Variants in PCDHAC2 observed in about 807,000 individuals in gnomAD.
The protein encoded by PCDHAC2 is protocadherin alpha-C2.
In PCDHAC2, 24 loss-of-function variants were observed where a neutral mutation model predicts 63.3. The observed-to-expected ratio is 0.38, with a 90% confidence interval of 0.27 to 0.53. The LOEUF is 0.53. PCDHAC2 is among the 20% of genes least tolerant of loss of function. PCDHAC2 has a pLI of 0.81. For synonymous variants in PCDHAC2, 569 were observed against 529.4 expected (o/e 1.07, Z -1.03); for missense variants, 1,181 against 1,275.2 (o/e 0.93, Z 1.12).
chr5:141,009,746 T>C lies in PCDHAC2; in HGVS notation c.2833T>C (p.Phe945Leu). ...CGGTCCCGGTGAGTTGCCCGACAAA[T>C]TCATTATCCCAGGATCTCCTGCAAT... ...QSGPGELPDK[F>L]IIPGSPAIIS... The change falls in exon 4 of 4, where the codon TTC becomes CTC. Residue 945 changes from phenylalanine to leucine, a missense_variant. Transcript: ENST00000289269. 6.2e-7 allele frequency: 1 copy of C among 1,614,062 alleles called. No homozygotes were observed. Among genetic ancestry groups the C allele is most frequent in the Non-Finnish European group, 8.5e-7 (1 of 1,180,018 alleles).
chr5:140,991,501 A>G (rs1223011478), intron 3 of PCDHAC2, among the ~76,000 whole-genome samples: 1 of 152,216 alleles, frequency 6.6e-6, no homozygotes, highest in East Asian at 1.9e-4. Context: ...AGTGAGTTTC[A>G]CTGGCTAAAA....
chr5:140,997,672 GTGT>G (rs1226412114), intron 3 of PCDHAC2, among the ~76,000 whole-genome samples: 3 of 148,192 alleles, frequency 2.0e-5, no homozygotes, highest in African/African-American at 7.5e-5. Context: ...TACAGCTTGT[GTGT>G]GTGTGTGTGT....
intron 3 of PCDHAC2, among the ~76,000 whole-genome samples, chr5:141,005,325 A>G (rs1430982331): frequency 6.6e-6 from 1 of 152,226 alleles, no homozygotes; most frequent in Non-Finnish European, 1.5e-5. Context: ...GTAGAGAATA[A>G]TAGGCCAAGG....
Position 140,966,857 on chromosome 5 carries a change from C to A in PCDHAC2, c.91C>A (p.Leu31Met). The A allele has an allele frequency of 6.3e-7, 1 of 1,575,742 alleles. No homozygotes were observed. Among genetic ancestry groups the A allele is most frequent in the Non-Finnish European group, 8.6e-7 (1 of 1,164,636 alleles). Residue 31 changes from leucine to methionine, a missense_variant, in exon 1 of 4, where the codon CTG (leucine) becomes ATG (methionine). By Grantham distance (15) the Leu-to-Met change is conservative (BLOSUM62 2). This residue lies in a region of PCDHAC2 where 210 missense variants were observed against 184.9 expected (regional missense o/e 1.14). Transcript: ENST00000289269. ...GCTGCTGCTACTGCCTCTCCTGCTG[C>A]TGTTGCTGCTGCTGCTACCTGGCCC... ...PWLLLLPLLL[L>M]LLLLLPGPAA...
chr5:140,999,507 T>A (rs2097860188), intron 3 of PCDHAC2, among the ~76,000 whole-genome samples: 1 of 152,078 alleles, frequency 6.6e-6, no homozygotes, highest in South Asian at 2.1e-4. Flanking sequence ...GAACCTACAT[T>A]TTAAGCATTT....
intron 3 of PCDHAC2, among the ~76,000 whole-genome samples, chr5:140,984,328 G>A (rs1221209076): frequency 3.3e-5 from 5 of 152,156 alleles, no homozygotes; most frequent in African/African-American, 1.2e-4. Context: ...GGCAAATGTG[G>A]AATAGGAACC....
In PCDHAC2 at chr5:140,968,288, C is replaced by G; in HGVS notation, c.1522C>G (p.Leu508Val). The G allele has an allele frequency of 1.2e-6, 2 of 1,613,976 alleles. No homozygotes were observed. Among genetic ancestry groups the G allele is most frequent in the South Asian group, 2.2e-5 (2 of 91,064 alleles). The change falls in exon 1 of 4, where the codon CTT becomes GTT. Residue 508 changes from leucine (L) to valine (V), a missense_variant. This residue lies in a region of PCDHAC2 where 968 missense variants were observed against 1,073.5 expected (regional missense o/e 0.90). Coordinates refer to ENST00000289269, the MANE Select transcript of PCDHAC2 (RefSeq NM_018899.6). ...EKENAEVTYS[L>V]LEREIQGLPV... is the part of the protein sequence containing the mutation. ...GGAGAATGCAGAGGTGACCTACTCCCTTCTGGAGAGGGAGATTCAAGGGCT... is the reference window on the plus strand; with the variant it reads ...GGAGAATGCAGAGGTGACCTACTCCGTTCTGGAGAGGGAGATTCAAGGGCT...
intron 3 of PCDHAC2, among the ~76,000 whole-genome samples, chr5:141,001,247 A>G (rs547699044): frequency 1.3e-5 from 2 of 152,256 alleles, no homozygotes; most frequent in African/African-American, 2.4e-5. Flanking sequence ...AATCAACCCT[A>G]TGGGGCGGGC....
In PCDHAC2 at chr5:140,966,732, G is replaced by T. The variant is rs2153748727; in HGVS notation, c.-35G>T. ...ACGGCTGGGGAAGCTGCCGCCTCCGGCCCTGCCCGGCTGCCTCCGCCGCGG... is the reference window on the plus strand; with the variant it reads ...ACGGCTGGGGAAGCTGCCGCCTCCGTCCCTGCCCGGCTGCCTCCGCCGCGG... On this transcript the variant is annotated 5_prime_UTR_variant, in exon 1 of 4. Transcript: ENST00000289269. 1 of 1,415,600 alleles carries T rather than the reference G, an allele frequency of 7.1e-7. No homozygotes were observed. The highest frequency in any genetic ancestry group is 1.5e-5 in the African/African-American group (1 of 67,002). 87.7% of individuals were successfully genotyped at this position (1,415,600 alleles called of 1,614,324 possible).
chr5:140,989,597 G>A (rs1168398697), intron 3 of PCDHAC2, among the ~76,000 whole-genome samples: 1 of 152,144 alleles, frequency 6.6e-6, no homozygotes, highest in Non-Finnish European at 1.5e-5. Flanking sequence ...ACTGACACAA[G>A]TAAACTAAAA....
intron 1 of PCDHAC2, among the ~76,000 whole-genome samples, chr5:140,974,639 G>A (rs896104665): frequency 2.0e-5 from 3 of 152,198 alleles, no homozygotes; most frequent in African/African-American, 7.2e-5. Context: ...AACCTCCCGA[G>A]TAGCTGAGAT....
At position 141,011,492 on chromosome 5, in the gene PCDHAC2, A is replaced by T. The variant is rs2098420803; in HGVS notation, c.*1555A>T. On this transcript the variant is annotated 3_prime_UTR_variant, in exon 4 of 4. Coordinates refer to ENST00000289269, the MANE Select transcript of PCDHAC2 (RefSeq NM_018899.6). ...AATTCCATTATATTTCCTTTTGTAC[A>T]CCTGTGAAAAAGTGGAGTAGTGTTT... The T allele has an allele frequency of 1.3e-5, 2 of 153,698 alleles. No individual in the cohort carries two copies. The highest frequency in any genetic ancestry group is 2.9e-5 in the Non-Finnish European group (2 of 68,026). 9.5% of individuals were successfully genotyped at this position (153,698 alleles called of 1,614,324 possible).
At chr5:141,003,750 A>T (rs868985181) in intron 3 of PCDHAC2, among the ~76,000 whole-genome samples, 3 of 152,226 alleles carry the variant, frequency 2.0e-5, no homozygotes, top group African/African-American at 7.2e-5. Flanking sequence ...CATATTTTGT[A>T]TAATTATGGT....
chr5:140,978,829 T>A (rs2096825254), intron 1 of PCDHAC2, 120 bp from the exon 2 acceptor site: 2 of 1,533,852 alleles, frequency 1.3e-6, no homozygotes, highest in Admixed American at 2.0e-5. Flanking sequence ...ATGAAATGGC[T>A]CATTCAATAC....
intron 3 of PCDHAC2, among the ~76,000 whole-genome samples, chr5:140,985,740 T>C (rs992695405): frequency 1.9e-5 from 1 of 53,688 alleles, no homozygotes; most frequent in Admixed American, 1.9e-4. Context: ...GATGAATTCC[T>C]TTTTTTTTTT....
intron 1 of PCDHAC2, among the ~76,000 whole-genome samples, chr5:140,969,721 C>A (rs1399042401): frequency 6.6e-5 from 10 of 152,126 alleles, no homozygotes; most frequent in African/African-American, 2.2e-4. Context: ...GGAAATTTTT[C>A]TTTTGAAATC....
chr5:140,967,957 C>A lies in PCDHAC2; in HGVS notation c.1191C>A (p.Asn397Lys). 1 of 1,614,222 alleles carries A rather than the reference C, an allele frequency of 6.2e-7. No individual in the cohort carries two copies. The highest frequency in any genetic ancestry group is 1.7e-5 in the Admixed American group (1 of 60,028). ...TCAATGACCAAGACTCAGGCCCCAA[C>A]CGGAAAGTGAGCCTGGGTCTGGAGG... ...LSVNDQDSGP[N>K]RKVSLGLEAT... The change falls in exon 1 of 4, where the codon AAC (asparagine) becomes AAA (lysine). Residue 397 changes from asparagine to lysine, a missense_variant. By Grantham distance (94) the Asn-to-Lys change is moderately conservative. Around this residue, in one of 3 missense-constraint regions of PCDHAC2, gnomAD observed 968 missense variants for 1,073.5 expected, o/e 0.90. Coordinates refer to ENST00000289269, the MANE Select transcript of PCDHAC2 (RefSeq NM_018899.6).
At chr5:140,982,675 T>C in intron 3 of PCDHAC2, 112 bp downstream of exon 3, 1 of 1,441,782 alleles carries the variant, frequency 6.9e-7, no homozygotes, top group Non-Finnish European at 9.1e-7. Flanking sequence ...ATTTTTGTTA[T>C]TCCCTTTTTT....
chr5:140,998,746 A>C (rs1473770059), intron 3 of PCDHAC2, among the ~76,000 whole-genome samples: 2 of 151,954 alleles, frequency 1.3e-5, no homozygotes, highest in Non-Finnish European at 2.9e-5. Context: ...GTATTTTTAG[A>C]AGAGACACAG....
Sources: gnomAD v4.1 joint callset for allele counts (sites outside exome capture counted in the v4.1 genomes callset) on GRCh38, gnomAD v4.1.1 for gene constraint, gnomAD v4.1.1 regional missense constraint, MANE v1.5 for transcripts, NCBI Gene and HGNC (gene_info 2026-07-23, HGNC 2026-07-21) for gene names.